Variants in USP40 observed in about 807,000 individuals in gnomAD.
USP40 encodes the protein ubiquitin carboxyl-terminal hydrolase 40.
USP40 carries 143 observed loss-of-function variants against 166.2 expected under a neutral mutation model. The observed-to-expected ratio is 0.86, with a 90% CI of 0.75 to 0.99. The LOEUF is 0.99. Among genes scored for constraint, USP40 ranks in the 50% least tolerant of loss-of-function variants. USP40 has a pLI of 0.00. For missense variants in USP40, 1,444 were observed against 1,479.7 expected (o/e 0.98, Z 0.40); for synonymous variants, 498 against 524.0 (o/e 0.95, Z 0.68).
intron 8 of USP40, among the ~76,000 whole-genome samples, chr2:233,547,501 T>C (rs1456282231): frequency 1.3e-5 from 2 of 152,162 alleles, no homozygotes; most frequent in Non-Finnish European, 2.9e-5. Context: ...GTATTACAAG[T>C]AAATGTGGAG....
chr2:233,477,840 C>T (rs1311705913), intron 31 of USP40, among the ~76,000 whole-genome samples: 6 of 152,374 alleles, frequency 3.9e-5, no homozygotes, highest in African/African-American at 1.4e-4. Flanking sequence ...TGCACACACA[C>T]CGCTGCACGA....
At chr2:233,491,922 G>A (rs1350364712) in intron 25 of USP40, among the ~76,000 whole-genome samples, 1 of 152,178 alleles carries the variant, frequency 6.6e-6, no homozygotes, top group Non-Finnish European at 1.5e-5. Context: ...CTTTACTGCT[G>A]AGCATGCCAC....
At chr2:233,489,606 T>C (rs2065175187) in intron 26 of USP40, 123 bp from the exon 27 acceptor site, 1 of 755,380 alleles carries the variant, frequency 1.3e-6, no homozygotes, top group Admixed American at 3.0e-5. Context: ...TCTCAAGTAA[T>C]GATAACATCA....
In USP40 at chr2:233,549,109, G is replaced by A; in HGVS notation, c.958C>T (p.Gln320Ter). 1 of 1,596,086 alleles carries A rather than the reference G, an allele frequency of 6.3e-7. No individual in the cohort carries two copies. Among genetic ancestry groups the A allele is most frequent in the Non-Finnish European group, 8.5e-7 (1 of 1,172,598 alleles). ...IKDVDHLGNWQFQEEKSKPDV... is the reference protein window; with the variant it reads ...IKDVDHLGNW ...CGAATTTCTATACGTACTTGAAACTGCCAGTTTCCCAAATGATCAACATCT... is the reference window on the plus strand; with the variant it reads ...CGAATTTCTATACGTACTTGAAACTACCAGTTTCCCAAATGATCAACATCT... Residue 320 changes from glutamine to a stop codon, truncating the protein, a stop_gained, in exon 8 of 32, where the codon CAG becomes TAG. Transcript: ENST00000678225. LOFTEE classifies it high-confidence loss of function.
At chr2:233,517,379 G>GTTTTTT (rs202226925) in intron 18 of USP40, among the ~76,000 whole-genome samples, 14,607 of 134,920 alleles carry the variant, frequency 0.11, 1,246 homozygotes, top group Non-Finnish European at 0.15. Flanking sequence ...CACATGCATG[G>GTTTTTT]TTTTTTGTTT....
At chr2:233,527,261 TG>T in intron 13 of USP40, 145 bp downstream of exon 13, 1 of 839,406 alleles carries the variant, frequency 1.2e-6, no homozygotes, top group Non-Finnish European at 1.7e-6. Flanking sequence ...AGAGAAGATT[TG>T]GGTCAACCCT....
In USP40 at chr2:233,493,512, C is replaced by A. The variant is rs977684819; in HGVS notation, c.2830G>T (p.Gly944Cys). ...TGACTCTCCCAGTGTCCTGAGGGAC[C>A]CTGAAGCTGGTACCACCAGATGGGC... ...KVPIWWYQLQ[G>C]PSGHWESHQD... is the part of the protein sequence containing the mutation. The change falls in exon 25 of 32, where the codon GGT (glycine) becomes TGT (cysteine). Residue 944 changes from glycine (G) to cysteine (C), a missense_variant. By Grantham distance (159) the Gly-to-Cys change is radical. Transcript: ENST00000678225. This position sits in a 1 kb window ranked among gnomAD's most constrained non-coding sequence, Gnocchi z 4.7. 4 of 1,613,352 alleles carry A rather than the reference C, an allele frequency of 2.5e-6. No homozygotes were observed. The highest frequency in any genetic ancestry group is 3.3e-5 in the Admixed American group (2 of 59,906).
intron 11 of USP40, among the ~76,000 whole-genome samples, chr2:233,532,484 T>C (rs1268294810): frequency 6.6e-6 from 1 of 152,196 alleles, no homozygotes; most frequent in Non-Finnish European, 1.5e-5. Flanking sequence ...TAGGGGATAT[T>C]TGGACCGGAG....
intron 21 of USP40, among the ~76,000 whole-genome samples, chr2:233,500,159 A>G (rs1392604141): frequency 1.3e-5 from 2 of 152,210 alleles, no homozygotes; most frequent in African/African-American, 4.8e-5. Flanking sequence ...ACTTAGTTCA[A>G]AGTTTCATCC....
intron 16 of USP40, among the ~76,000 whole-genome samples, chr2:233,521,387 T>C (rs1220430): frequency 0.21 from 31,670 of 152,104 alleles, 3,378 homozygotes; most frequent in African/African-American, 0.22. Context: ...GGCTTCTGCC[T>C]GCACCCTGCA....
In USP40 at chr2:233,494,919, TATATATATATA is replaced by T. The variant is rs2065586907; in HGVS notation, c.2791-1379_2791-1369del. ...ACTCATATACAAGCAAAATGGCATA[TATATATATATA>T]TATATATATATATATATATATATAT... On this transcript the variant is annotated intron_variant, in intron 24 of 31. Transcript: ENST00000678225. Among the ~76,000 whole-genome samples the T allele has an allele frequency of 5.5e-4, 44 of 80,282 alleles. 1 individual carries two copies. Among genetic ancestry groups the T allele is most frequent in the South Asian group, 3.3e-3 (6 of 1,842 alleles). The allele number at this position is 80,282 out of a possible 152,430, so 52.7% of individuals were successfully genotyped here.
rs761917506 is a variant in USP40, at chr2:233,524,509, C to A, written c.1864G>T (p.Val622Leu). Residue 622 changes from valine (V) to leucine (L), a missense_variant, in exon 15 of 32, where the codon GTG becomes TTG. Transcript: ENST00000678225. ...TTTTTTACCTCCACCCCATTCCACA[C>A]AAAGATGTCTTCCCCATCAGCAATT... is the stretch of plus-strand genomic sequence containing the variant. ...TEIADGEDIF[V>L]WNGVEVGGVH... is the part of the protein sequence containing the mutation. The A allele has an allele frequency of 9.3e-6, 15 of 1,606,836 alleles. No individual in the cohort carries two copies. The African/African-American group carries it at 9.4e-5, about 10-fold the overall frequency.
chr2:233,518,912 A>G (rs1476626575), intron 18 of USP40, among the ~76,000 whole-genome samples: 1 of 152,218 alleles, frequency 6.6e-6, no homozygotes, highest in Non-Finnish European at 1.5e-5. Context: ...CATATAATGG[A>G]ATACTAGACT....
rs774404487 is a variant in USP40, at chr2:233,559,807, G to A, written c.381+4C>T. The A allele has an allele frequency of 5.3e-5, 85 of 1,593,704 alleles. 1 individual carries two copies. The highest frequency in any genetic ancestry group is 4.6e-4 in the South Asian group (40 of 87,538). ...ACTCTTCCTTAAAGAGCTGATCCTC[G>A]TACCTCATTACTGGTCCACCCAAAG... is the stretch of plus-strand genomic sequence containing the variant. On this transcript the variant is annotated splice_donor_region_variant and intron_variant, in intron 4 of 31. Transcript: ENST00000678225.
chr2:233,511,901 A>C, intron 19 of USP40, 104 bp from the exon 20 acceptor site: 1 of 966,858 alleles, frequency 1.0e-6, no homozygotes, highest in Non-Finnish European at 1.5e-6. Flanking sequence ...AATATCAAGA[A>C]AGAAGAAAAA....
At position 233,529,411 on chromosome 2, in the gene USP40, T is replaced by C. The variant is rs771940817; in HGVS notation, c.1553+20A>G. On this transcript the variant is annotated intron_variant, in intron 12 of 31. Coordinates refer to ENST00000678225, the MANE Select transcript of USP40 (RefSeq NM_001365479.2). ...ATTCTCCGGAATACTAGTCAAACTC[T>C]AAAAGCAATTTAAAATTACCTTTTG... is the stretch of plus-strand genomic sequence containing the variant. 3.9e-6 allele frequency: 6 copies of C among 1,548,724 alleles called. No homozygotes were observed. The highest frequency in any genetic ancestry group is 3.4e-4 in the Middle Eastern group (2 of 5,952).
chr2:233,524,434 C>T (rs1045730735), intron 15 of USP40, 58 bp downstream of exon 15: 18 of 1,493,902 alleles, frequency 1.2e-5, no homozygotes, highest in African/African-American at 5.6e-5. Flanking sequence ...CCGGCCATTA[C>T]GATGACTTTT....
chr2:233,554,488 T>C lies in USP40; in HGVS notation c.585A>G (p.Val195=). The change falls in exon 6 of 32, where the codon GTA becomes GTG. Residue 195 remains valine, a synonymous_variant. Coordinates refer to ENST00000678225, the MANE Select transcript of USP40 (RefSeq NM_001365479.2). The part of the protein sequence containing the change: ...FLDLTVAVKN[V]SGLEDALWNM... ...TCCAGAGAGCATCTTCCAAACCGGA[T>C]ACATTTTTGACTGCTACTGTTAGAT... 1 of 1,612,288 alleles carries C rather than the reference T, an allele frequency of 6.2e-7. No homozygotes were observed. Among genetic ancestry groups the C allele is most frequent in the Non-Finnish European group, 8.5e-7 (1 of 1,179,340 alleles).
At chr2:233,482,703 G>C (rs2064702760) in intron 30 of USP40, among the ~76,000 whole-genome samples, 1 of 151,266 alleles carries the variant, frequency 6.6e-6, no homozygotes, top group African/African-American at 2.4e-5. Context: ...TGATCCTCCT[G>C]CCTTAGCCAC....
Sources: allele counts gnomAD v4.1 joint callset (sites outside exome capture counted in the v4.1 genomes callset), GRCh38; gene constraint gnomAD v4.1.1; non-coding constraint Gnocchi (gnomAD v3.1); transcripts MANE v1.5; gene names NCBI Gene and HGNC (gene_info 2026-07-23, HGNC 2026-07-21).